The following HPCAL1 variants were observed in gnomAD, a reference collection of about 807,000 sequenced individuals.
HPCAL1 encodes the protein hippocalcin-like protein 1.
In HPCAL1, 8 loss-of-function variants were observed where a neutral mutation model predicts 17.1. The observed-to-expected ratio is 0.47, with a 90% CI of 0.27 to 0.84. HPCAL1 has a LOEUF of 0.84. Ranked by LOEUF, HPCAL1 falls within the 40% of genes least tolerant of loss-of-function variation. HPCAL1 has a pLI of 0.13. For missense variants in HPCAL1, 165 were observed against 271.1 expected, an observed-to-expected ratio of 0.61 and a Z score of 2.75; for synonymous variants, 112 against 111.4, an observed-to-expected ratio of 1.01 and a Z score of -0.03.
rs1232010330 is a variant in HPCAL1 at position 10,395,625 on chromosome 2, TGA to T, written c.-110-1201_-110-1200del. Among the ~76,000 whole-genome samples, 1 of 152,094 alleles carries T rather than the reference TGA, an allele frequency of 6.6e-6. No individual in the cohort carries two copies. The highest frequency in any genetic ancestry group is 2.4e-5 in the African/African-American group (1 of 41,404). ...TGCTTGTAAAGCGGGATCGTTGCTA[TGA>T]GAGAGAGAACCTTGCGTTGGGAGAA... On this transcript the variant is annotated intron_variant, in intron 1 of 4. Transcript: ENST00000307845. This position sits in a 1 kb window ranked among gnomAD's most constrained non-coding sequence, Gnocchi z 4.4.
chr2:10,385,110 AAAGAT>A (rs939741574), intron 1 of HPCAL1, among the ~76,000 whole-genome samples: 4 of 151,892 alleles, frequency 2.6e-5, no homozygotes, highest in African/African-American at 2.4e-5. Context: ...AAAAAAAAAA[AAAGAT>A]AGAGGTGACA....
chr2:10,350,446 G>A (rs953723821), intron 1 of HPCAL1, among the ~76,000 whole-genome samples: 3 of 151,884 alleles, frequency 2.0e-5, no homozygotes, highest in African/African-American at 4.8e-5. Context: ...GAGTAGGTGG[G>A]ACTATTAGGT....
chr2:10,350,422 C>A (rs969381309), intron 1 of HPCAL1, among the ~76,000 whole-genome samples: 2 of 151,756 alleles, frequency 1.3e-5, no homozygotes, highest in African/African-American at 4.8e-5. Context: ...GCAATCCCCC[C>A]ACCTCAGCCT....
At chr2:10,325,059 C>T (rs1364177423) in intron 1 of HPCAL1, among the ~76,000 whole-genome samples, 1 of 151,546 alleles carries the variant, frequency 6.6e-6, no homozygotes, top group South Asian at 2.1e-4. Flanking sequence ...TGTTGAACTC[C>T]TGACCTCAAG....
intron 1 of HPCAL1, among the ~76,000 whole-genome samples, chr2:10,320,737 C>T (rs1663624265): frequency 6.6e-6 from 1 of 152,168 alleles, no homozygotes; most frequent in Non-Finnish European, 1.5e-5. Context: ...GTGGGGCTCC[C>T]ATTCATTCAT....
rs529049805 is a variant in HPCAL1 at position 10,344,265 on chromosome 2, G to A, written c.-111+41088G>A. On this transcript the variant is annotated intron_variant, in intron 1 of 4. Transcript: ENST00000307845. This position sits in a 1 kb window ranked among gnomAD's most constrained non-coding sequence, Gnocchi z 4.9. ...ATAGGCATCACTTCGACCAGCGTCT[G>A]TGTGGGGTGTGCAGCAGCCCTGAGC... is the stretch of plus-strand genomic sequence containing the variant. 1.4e-4 allele frequency among the ~76,000 whole-genome samples: 22 copies of A among 152,302 alleles called. No homozygotes were observed. Among genetic ancestry groups the A allele is most frequent in the Admixed American group, 1.4e-3 (22 of 15,296 alleles).
At chr2:10,368,625 T>TTTGCTG (rs1667009764) in intron 1 of HPCAL1, 1 of 152,246 alleles carries the variant, frequency 6.6e-6, no homozygotes, top group Non-Finnish European at 1.5e-5. Flanking sequence ...TCAATATTTA[T>TTTGCTG]TTGCTGTTGC....
intron 2 of HPCAL1, among the ~76,000 whole-genome samples, chr2:10,417,272 A>C (rs1670732298): frequency 6.6e-6 from 1 of 152,156 alleles, no homozygotes; most frequent in Admixed American, 6.5e-5. Flanking sequence ...CTGAGGCACA[A>C]GAATCGCTTG....
chr2:10,378,681 G>C (rs1667745743), intron 1 of HPCAL1, among the ~76,000 whole-genome samples: 1 of 152,180 alleles, frequency 6.6e-6, no homozygotes, highest in South Asian at 2.1e-4. Context: ...TCGCCCTCGG[G>C]GTTAGGGCGC....
chr2:10,413,110 C>T (rs1264225074), intron 2 of HPCAL1, among the ~76,000 whole-genome samples: 1 of 152,198 alleles, frequency 6.6e-6, no homozygotes, highest in Non-Finnish European at 1.5e-5. Flanking sequence ...TGAAAGAGAA[C>T]AGATGCAGAA....
At chr2:10,416,738 T>C (rs1670698798) in intron 2 of HPCAL1, among the ~76,000 whole-genome samples, 1 of 152,026 alleles carries the variant, frequency 6.6e-6, no homozygotes, top group African/African-American at 2.4e-5. Flanking sequence ...TCTATGGCCA[T>C]TTCCTCTTGT....
At chr2:10,397,233 G>C (rs1048071117) in intron 2 of HPCAL1, among the ~76,000 whole-genome samples, 13 of 152,030 alleles carry the variant, frequency 8.6e-5, no homozygotes, top group African/African-American at 3.1e-4. Flanking sequence ...TTTGTCAGGG[G>C]AATGAGGGGC....
chr2:10,395,159 CT>C lies in HPCAL1; in HGVS notation c.-110-1675del, dbSNP rs1668941126. 6.9e-6 allele frequency among the ~76,000 whole-genome samples: 1 copy of C among 145,482 alleles called. No individual in the cohort carries two copies. The highest frequency in any genetic ancestry group is 1.5e-5 in the Non-Finnish European group (1 of 66,080). On this transcript the variant is annotated intron_variant, in intron 1 of 4. Coordinates refer to ENST00000307845, the MANE Select transcript of HPCAL1 (RefSeq NM_002149.4). The surrounding 1 kb of genome is among the most constrained non-coding windows in gnomAD (Gnocchi z 4.4). ...ACACACACACACACACACACACACA[CT>C]GCTATCTTAAAAGCATAGGGACCTT...
At chr2:10,424,576 G>A (rs1291426271) in intron 4 of HPCAL1, 3 of 471,096 alleles carry the variant, frequency 6.4e-6, no homozygotes, top group Non-Finnish European at 1.3e-5. Context: ...CTGCCTCCTG[G>A]CTTGGCCCTG....
chr2:10,398,675 C>T (rs1031525291), intron 2 of HPCAL1, among the ~76,000 whole-genome samples: 21 of 152,050 alleles, frequency 1.4e-4, no homozygotes, highest in African/African-American at 3.9e-4. Flanking sequence ...ACCCTCTGCC[C>T]GTCCCCTGCC....
chr2:10,421,088 A>G (rs1671034511), intron 3 of HPCAL1, among the ~76,000 whole-genome samples: 1 of 152,134 alleles, frequency 6.6e-6, no homozygotes, highest in Non-Finnish European at 1.5e-5. Flanking sequence ...GCTCCTTGGC[A>G]CTTGCAAGAG....
In HPCAL1 at chr2:10,342,763, G is replaced by A. The variant is rs1283791746; in HGVS notation, c.-111+39586G>A. 2.0e-5 allele frequency among the ~76,000 whole-genome samples: 3 copies of A among 152,190 alleles called. No individual in the cohort carries two copies. Among genetic ancestry groups the A allele is most frequent in the South Asian group, 2.1e-4 (1 of 4,834 alleles). On this transcript the variant is annotated intron_variant, in intron 1 of 4. Transcript: ENST00000307845. This position sits in a 1 kb window ranked among gnomAD's most constrained non-coding sequence, Gnocchi z 4.1. The stretch of plus-strand genomic sequence containing the variant: ...GCAAAGAGAGGCACAATCTGTTCCC[G>A]GTTGGGCCAGCTGCCCTCCAGTAGC...
At chr2:10,374,662 C>A (rs1043130956) in intron 1 of HPCAL1, among the ~76,000 whole-genome samples, 5 of 152,238 alleles carry the variant, frequency 3.3e-5, no homozygotes, top group African/African-American at 1.2e-4. Flanking sequence ...GCATGTGGTT[C>A]TGAGAAGGCT....
intron 1 of HPCAL1, among the ~76,000 whole-genome samples, chr2:10,347,316 G>T (rs1184481564): frequency 5.9e-5 from 9 of 152,264 alleles, no homozygotes; most frequent in African/African-American, 2.2e-4. Context: ...CTGTCTCAGA[G>T]TCTCATGGGG....
Sources: allele counts gnomAD v4.1 joint callset (sites outside exome capture counted in the v4.1 genomes callset), GRCh38; gene constraint gnomAD v4.1.1; non-coding constraint Gnocchi (gnomAD v3.1); transcripts MANE v1.5; gene names NCBI Gene and HGNC (gene_info 2026-07-23, HGNC 2026-07-21).